ASH2L: variants seen among roughly 807,000 people sequenced by gnomAD.
ASH2L encodes ASH2 like, histone lysine methyltransferase complex subunit.
In ASH2L, 30 loss-of-function variants were observed where a neutral mutation model predicts 81.1. The ratio of observed to expected loss-of-function variants is 0.37; its 90% CI spans 0.28 to 0.50. The LOEUF (loss-of-function observed/expected upper bound fraction) is 0.50. Among genes scored for constraint, ASH2L ranks in the 20% least tolerant of loss-of-function variants. ASH2L has a pLI of 0.95. For missense variants in ASH2L, 559 were observed against 792.1 expected, an observed-to-expected ratio of 0.71 and a Z score of 3.53; for synonymous variants, 273 against 279.9, an observed-to-expected ratio of 0.98 and a Z score of 0.24.
chr8:38,107,814 C>T (rs1277491275), intron 3 of ASH2L, among the ~76,000 whole-genome samples: 1 of 151,268 alleles, frequency 6.6e-6, no homozygotes, highest in East Asian at 1.9e-4. Flanking sequence ...AAACATAAGG[C>T]TGCATTATCG....
chr8:38,119,150 G>A, intron 8 of ASH2L, 120 bp from the exon 9 acceptor site: 1 of 862,284 alleles, frequency 1.2e-6, no homozygotes, highest in Non-Finnish European at 1.8e-6. Flanking sequence ...GCCTTTGGAA[G>A]GAAATCCTCC....
At chr8:38,118,960 G>A (rs75874274) in intron 8 of ASH2L, 3,156 of 241,744 alleles carry the variant, frequency 0.013, 101 homozygotes, top group African/African-American at 0.07. Context: ...GAGTGAGAAT[G>A]CATTTGTGTC....
intron 12 of ASH2L, among the ~76,000 whole-genome samples, chr8:38,131,697 A>G (rs1333916099): frequency 6.6e-6 from 1 of 152,238 alleles, no homozygotes; most frequent in East Asian, 1.9e-4. Context: ...ACACGACAGA[A>G]TACTATGGAT....
rs1414534468 is a variant in ASH2L at position 38,115,010 on chromosome 8, T to C, written c.777+10T>C. 10 of 1,548,074 alleles carry C rather than the reference T, an allele frequency of 6.5e-6. No individual in the cohort carries two copies. Among genetic ancestry groups the C allele is most frequent in the Non-Finnish European group, 8.9e-6 (10 of 1,120,340 alleles). ...TGGACTTTTGGATCAGGTACATTAA[T>C]ATGTTTTACATTTTCTTTTTGATTT... On this transcript the variant is annotated intron_variant, in intron 7 of 15. Coordinates refer to ENST00000343823, the MANE Select transcript of ASH2L (RefSeq NM_004674.5).
At chr8:38,135,065 AAAT>A (rs1802200829) in intron 13 of ASH2L, among the ~76,000 whole-genome samples, 1 of 152,108 alleles carries the variant, frequency 6.6e-6, no homozygotes, top group South Asian at 2.1e-4. Flanking sequence ...AAAAAAAAAA[AAAT>A]TTTGTAGAGA....
Position 38,110,826 on chromosome 8 carries a change from A to G in ASH2L, c.578A>G (p.Lys193Arg). The change falls in exon 5 of 16, where the codon AAA (lysine) becomes AGA (arginine). Residue 193 changes from lysine (K) to arginine (R), a missense_variant. By Grantham distance (26) the Lys-to-Arg change is conservative. Around this residue, in one of 4 missense-constraint regions of ASH2L, gnomAD observed 318 missense variants for 527.0 expected, o/e 0.60. Transcript: ENST00000343823. ...QDEHPKTMFSKDKDIIPFIDK... is the reference protein window; with the variant it reads ...QDEHPKTMFSRDKDIIPFIDK... Reference sequence around the variant, plus strand: ...GAACATCCGAAGACAATGTTCTCCAAAGATAAGGTAGAGGTGGAACTAATG... The same window carrying G: ...GAACATCCGAAGACAATGTTCTCCAGAGATAAGGTAGAGGTGGAACTAATG... 1 of 1,613,036 alleles carries G rather than the reference A, an allele frequency of 6.2e-7. No individual in the cohort carries two copies. The highest frequency in any genetic ancestry group is 1.1e-5 in the South Asian group (1 of 90,664).
chr8:38,127,776 G>A (rs1166130149), intron 10 of ASH2L, among the ~76,000 whole-genome samples: 5 of 150,110 alleles, frequency 3.3e-5, no homozygotes, highest in Non-Finnish European at 7.4e-5. Context: ...AGCCAGGTGC[G>A]GTGGCTCATG....
At chr8:38,128,525 A>G (rs1801944635) in intron 11 of ASH2L, 67 bp downstream of exon 11, 1 of 1,558,372 alleles carries the variant, frequency 6.4e-7, no homozygotes, top group Non-Finnish European at 8.6e-7. Flanking sequence ...CCAAGGGCTA[A>G]GGCTTCAAGG....
At chr8:38,105,928 C>G (rs766946633) in intron 1 of ASH2L, 190 bp downstream of exon 1, 359 of 1,489,828 alleles carry the variant, frequency 2.4e-4, no homozygotes, top group Non-Finnish European at 2.9e-4. Context: ...CCGCACCTTT[C>G]ACGGGCGGTG....
chr8:38,130,079 A>G (rs754460578), intron 12 of ASH2L, among the ~76,000 whole-genome samples: 2 of 152,178 alleles, frequency 1.3e-5, no homozygotes, highest in African/African-American at 2.4e-5. Flanking sequence ...ATGGGTGTGT[A>G]GTAGTATCTC....
chr8:38,133,587 GAGCGTT>G, intron 13 of ASH2L, 41 bp downstream of exon 13: 3 of 1,431,984 alleles, frequency 2.1e-6, no homozygotes, highest in Non-Finnish European at 2.9e-6. Flanking sequence ...ATAAGGCCTT[GAGCGTT>G]AGGACCCATT....
At chr8:38,112,560 G>C (rs890371208) in intron 5 of ASH2L, among the ~76,000 whole-genome samples, 1 of 152,082 alleles carries the variant, frequency 6.6e-6, no homozygotes, top group Non-Finnish European at 1.5e-5. Context: ...ACTGTGCCTG[G>C]CCATGTGTTA....
Position 38,114,762 on chromosome 8 carries a change from GATT to G in ASH2L, c.682-139_682-137del, listed in dbSNP as rs1246716442. On this transcript the variant is annotated intron_variant, in intron 6 of 15. Transcript: ENST00000343823. ...TTGTTTGAATTTTTTGATGGTCACT[GATT>G]ATTTCTTAGAAGGAAAAACGATACT... is the stretch of plus-strand genomic sequence containing the variant. 1.1e-4 allele frequency: 68 copies of G among 607,186 alleles called. 1 individual carries two copies. The South Asian group carries it at 1.4e-3, about 13-fold the overall frequency. The allele number at this position is 607,186 out of a possible 1,614,324, so 37.6% of individuals were successfully genotyped here.
chr8:38,120,852 AGAG>A, intron 9 of ASH2L, 77 bp from the exon 10 acceptor site: 2 of 1,171,834 alleles, frequency 1.7e-6, no homozygotes, highest in South Asian at 2.5e-5. Flanking sequence ...GAAATAAACC[AGAG>A]GCCTTTCTTA....
At chr8:38,129,266 A>G (rs1801966739) in intron 12 of ASH2L, among the ~76,000 whole-genome samples, 1 of 152,188 alleles carries the variant, frequency 6.6e-6, no homozygotes. Context: ...TTGATACAAA[A>G]TGTATATAAA....
chr8:38,113,402 C>A (rs1361675153), intron 5 of ASH2L, among the ~76,000 whole-genome samples: 2 of 152,158 alleles, frequency 1.3e-5, no homozygotes, highest in African/African-American at 2.4e-5. Context: ...TCTGGAACAA[C>A]AAAATATTCC....
chr8:38,127,635 A>G (rs905446355), intron 10 of ASH2L, among the ~76,000 whole-genome samples: 1 of 150,206 alleles, frequency 6.7e-6, no homozygotes, highest in African/African-American at 2.5e-5. Context: ...AATCCCAGCT[A>G]CTCAGGCTGA....
chr8:38,105,682 A>G lies in ASH2L; in HGVS notation c.132A>G (p.Gly44=). The part of the protein sequence containing the change: ...PVAAGAAAPP[G]EGISAAPTVE... Reference sequence around the variant, plus strand: ...CAGCGGGAGCAGCCGCTCCTCCTGGAGAGGGGATCTCTGCTGCTCCGACAG... The same window carrying G: ...CAGCGGGAGCAGCCGCTCCTCCTGGGGAGGGGATCTCTGCTGCTCCGACAG... Residue 44 remains glycine, a synonymous_variant, in exon 1 of 16, where the codon GGA becomes GGG. Coordinates refer to ENST00000343823, the MANE Select transcript of ASH2L (RefSeq NM_004674.5). 2 of 1,586,364 alleles carry G rather than the reference A, an allele frequency of 1.3e-6. No homozygotes were observed. Among genetic ancestry groups the G allele is most frequent in the Non-Finnish European group, 1.7e-6 (2 of 1,167,744 alleles).
intron 9 of ASH2L, 81 bp from the exon 10 acceptor site, chr8:38,120,851 C>CCA: frequency 1.7e-6 from 2 of 1,170,618 alleles, no homozygotes; most frequent in South Asian, 2.5e-5. Flanking sequence ...TGAAATAAAC[C>CCA]AGAGGCCTTT....
Sources: allele counts gnomAD v4.1 joint callset (sites outside exome capture counted in the v4.1 genomes callset), GRCh38; gene constraint gnomAD v4.1.1; regional missense constraint gnomAD v4.1.1; transcripts MANE v1.5; gene names NCBI Gene and HGNC (gene_info 2026-07-23, HGNC 2026-07-21).